DLGAP4: variants seen among roughly 807,000 people sequenced by gnomAD.
The protein encoded by DLGAP4 is DLG associated protein 4, also known as disks large-associated protein 4.
A neutral mutation model predicts 86.9 loss-of-function variants in DLGAP4; 18 were observed. The observed-to-expected ratio is 0.21, with a 90% CI of 0.14 to 0.31. The LOEUF (loss-of-function observed/expected upper bound fraction) is 0.31. Among genes scored for constraint, DLGAP4 ranks in the 10% least tolerant of loss-of-function variants. The probability of loss-of-function intolerance (pLI) is 1.00; values close to 1 mark genes in which losing one functional copy is unlikely to be tolerated. For synonymous variants in DLGAP4, 548 were observed against 574.3 expected (o/e 0.95, Z 0.65); for missense variants, 1,085 against 1,362.6 (o/e 0.80, Z 3.21).
Position 36,368,220 on chromosome 20 carries a change from G to C in DLGAP4, c.-73+945G>C, listed in dbSNP as rs111675287. Among the ~76,000 whole-genome samples, 1,294 of 152,280 alleles carry C rather than the reference G, an allele frequency of 8.5e-3. 10 individuals are homozygous for C. Among genetic ancestry groups the C allele is most frequent in the Middle Eastern group, 0.017 (5 of 294 alleles). On this transcript the variant is annotated intron_variant, in intron 2 of 12. Transcript: ENST00000339266. ...ACCAGCAGGACCTGAGCGCCTCCTG[G>C]CCTTTTGGCCAGTGCCAGTCCCTGC...
At chr20:36,433,269 G>T (rs540205886) in intron 3 of DLGAP4, among the ~76,000 whole-genome samples, 1 of 152,390 alleles carries the variant, frequency 6.6e-6, no homozygotes, top group African/African-American at 2.4e-5. Context: ...GGACGGTCAT[G>T]TCAGTGTCGG....
At chr20:36,401,542 G>A (rs964518792) in intron 2 of DLGAP4, among the ~76,000 whole-genome samples, 4 of 152,178 alleles carry the variant, frequency 2.6e-5, no homozygotes, top group Non-Finnish European at 5.9e-5. Context: ...TTCTCCCCCA[G>A]TGCCCTAGTG....
intron 7 of DLGAP4, chr20:36,461,720 C>CGT: frequency 4.5e-6 from 4 of 886,832 alleles, no homozygotes; most frequent in Non-Finnish European, 5.3e-6. Flanking sequence ...TCCTCCTCCT[C>CGT]CTCCCCGTCT....
chr20:36,342,038 A>C (rs2052670311), intron 1 of DLGAP4, among the ~76,000 whole-genome samples: 1 of 152,210 alleles, frequency 6.6e-6, no homozygotes, highest in Non-Finnish European at 1.5e-5. Flanking sequence ...TTCATTTCCC[A>C]GGAACCCCTG....
At chr20:36,338,027 C>G (rs2065339798) in intron 1 of DLGAP4, among the ~76,000 whole-genome samples, 1 of 152,220 alleles carries the variant, frequency 6.6e-6, no homozygotes, top group Non-Finnish European at 1.5e-5. Flanking sequence ...TGGGTCTGCC[C>G]CAGTCCTGTG....
intron 1 of DLGAP4, among the ~76,000 whole-genome samples, chr20:36,344,331 T>C (rs2065414846): frequency 6.6e-6 from 1 of 152,176 alleles, no homozygotes; most frequent in Non-Finnish European, 1.5e-5. Context: ...GCAGGTAAAA[T>C]TCTTGGAAGA....
intron 2 of DLGAP4, among the ~76,000 whole-genome samples, chr20:36,404,794 A>G (rs991170737): frequency 1.3e-5 from 2 of 152,238 alleles, no homozygotes; most frequent in Non-Finnish European, 2.9e-5. Flanking sequence ...TGAAGCAGAG[A>G]CAAAAATGAG....
At chr20:36,428,990 T>C (rs2033054465) in intron 2 of DLGAP4, among the ~76,000 whole-genome samples, 1 of 152,118 alleles carries the variant, frequency 6.6e-6, no homozygotes, top group Non-Finnish European at 1.5e-5. Flanking sequence ...GCTGCCTGCA[T>C]TCCTTGGCTC....
At chr20:36,428,957 G>GC (rs2033053659) in intron 2 of DLGAP4, among the ~76,000 whole-genome samples, 1 of 152,126 alleles carries the variant, frequency 6.6e-6, no homozygotes, top group African/African-American at 2.4e-5. Flanking sequence ...ACCATGCCCA[G>GC]CCATCTCTGC....
intron 7 of DLGAP4, among the ~76,000 whole-genome samples, chr20:36,449,246 G>A (rs1320679622): frequency 1.3e-5 from 2 of 152,094 alleles, no homozygotes; most frequent in Non-Finnish European, 2.9e-5. Flanking sequence ...CTGCCTCCTC[G>A]CCACTCAGCT....
intron 10 of DLGAP4, chr20:36,507,780 C>CTTGT (rs1182645534): frequency 2.0e-5 from 3 of 152,262 alleles, no homozygotes; most frequent in African/African-American, 7.2e-5. Context: ...GCAGGAACAT[C>CTTGT]TTGTTTCTTC....
intron 7 of DLGAP4, among the ~76,000 whole-genome samples, chr20:36,469,710 G>A (rs1046886149): frequency 6.8e-5 from 10 of 147,880 alleles, no homozygotes; most frequent in Non-Finnish European, 1.2e-4. Context: ...CCGAGATCGC[G>A]CCATTGCACT....
chr20:36,525,254 A>AAAAAAAAAAAAAAAC (rs1569527332), intron 11 of DLGAP4, among the ~76,000 whole-genome samples: 3 of 62,464 alleles, frequency 4.8e-5, no homozygotes, highest in African/African-American at 1.1e-4. Context: ...AAAAAAAAAA[A>AAAAAAAAAAAAAAAC]CAAAGAAATC....
At chr20:36,406,168 G>C (rs969788005) in intron 2 of DLGAP4, among the ~76,000 whole-genome samples, 1 of 152,160 alleles carries the variant, frequency 6.6e-6, no homozygotes, top group African/African-American at 2.4e-5. Context: ...GGAGGCCCAG[G>C]CGGGTGGATC....
chr20:36,376,807 C>T (rs538777470), intron 2 of DLGAP4, among the ~76,000 whole-genome samples: 2 of 152,296 alleles, frequency 1.3e-5, no homozygotes, highest in South Asian at 4.2e-4. Flanking sequence ...CTTGTGGAGC[C>T]TCAGTTTTCT....
intron 2 of DLGAP4, among the ~76,000 whole-genome samples, chr20:36,424,916 A>G (rs1459465416): frequency 1.3e-5 from 2 of 151,986 alleles, no homozygotes; most frequent in Non-Finnish European, 2.9e-5. Context: ...TTGTATTTTT[A>G]GTAGAGATGG....
intron 1 of DLGAP4, among the ~76,000 whole-genome samples, chr20:36,338,241 C>A (rs1291641743): frequency 2.0e-5 from 3 of 152,154 alleles, no homozygotes; most frequent in Non-Finnish European, 4.4e-5. Flanking sequence ...GGCAGGAGGG[C>A]CCATCTGGAG....
intron 2 of DLGAP4, among the ~76,000 whole-genome samples, chr20:36,413,034 C>T (rs1017760692): frequency 1.4e-5 from 2 of 144,530 alleles, no homozygotes; most frequent in African/African-American, 2.6e-5. Context: ...GGCTGGAGTA[C>T]AGTGTTGCGA....
chr20:36,415,121 C>T (rs1600500427), intron 2 of DLGAP4, among the ~76,000 whole-genome samples: 1 of 152,208 alleles, frequency 6.6e-6, no homozygotes, highest in East Asian at 1.9e-4. Flanking sequence ...CAAAAATTAG[C>T]CAGGCATGAT....
Sources: gnomAD v4.1 joint callset for allele counts (sites outside exome capture counted in the v4.1 genomes callset) on GRCh38, gnomAD v4.1.1 for gene constraint, MANE v1.5 for transcripts, NCBI Gene and HGNC (gene_info 2026-07-23, HGNC 2026-07-21) for gene names.